Variants in CFTR observed in about 807,000 individuals in gnomAD.
CFTR encodes CF transmembrane conductance regulator, also known as cystic fibrosis transmembrane conductance regulator.
In CFTR, 181 loss-of-function variants were observed where a neutral mutation model predicts 171.6. That is an observed-to-expected ratio of 1.05 (90% CI 0.93 to 1.19). The LOEUF is 1.19. Among genes scored for constraint, CFTR ranks in the 50% most tolerant of loss-of-function variants. The pLI is 0.00. For synonymous variants in CFTR, 583 were observed against 608.0 expected (o/e 0.96, Z 0.60); for missense variants, 1,968 against 1,734.7 (o/e 1.13, Z -2.39).
chr7:117,503,771 A>G (rs771719979), intron 1 of CFTR, among the ~76,000 whole-genome samples: 12 of 152,224 alleles, frequency 7.9e-5, no homozygotes, highest in Non-Finnish European at 1.3e-4. Context: ...CATTCTTTCA[A>G]TGAATAGCTC....
intron 1 of CFTR, among the ~76,000 whole-genome samples, chr7:117,484,453 G>A (rs915180722): frequency 1.3e-5 from 2 of 152,150 alleles, no homozygotes; most frequent in African/African-American, 4.8e-5. Context: ...CCACCTCTGG[G>A]ATAGGAGCCC....
chr7:117,607,697 G>A (rs556969056), intron 18 of CFTR, among the ~76,000 whole-genome samples: 1 of 152,208 alleles, frequency 6.6e-6, no homozygotes, highest in African/African-American at 2.4e-5. Flanking sequence ...AACAAAAGAA[G>A]GATTATCACA....
intron 21 of CFTR, among the ~76,000 whole-genome samples, chr7:117,620,910 C>A (rs556256586): frequency 1.3e-5 from 2 of 152,182 alleles, no homozygotes; most frequent in South Asian, 4.2e-4. Context: ...AGTTGAAGAC[C>A]AAGCTGGTCA....
At chr7:117,590,241 G>A (rs1045292931) in intron 12 of CFTR, 112 bp from the exon 13 acceptor site, 7 of 1,251,190 alleles carry the variant, frequency 5.6e-6, no homozygotes, top group Non-Finnish European at 7.8e-6. Flanking sequence ...TCAGTGAATC[G>A]ATGTGGTGAC....
chr7:117,511,087 C>A (rs1208303194), intron 3 of CFTR, among the ~76,000 whole-genome samples: 1 of 152,108 alleles, frequency 6.6e-6, no homozygotes, highest in African/African-American at 2.4e-5. Context: ...AGGTACTCAA[C>A]AGAATGGTGA....
intron 15 of CFTR, among the ~76,000 whole-genome samples, chr7:117,600,813 A>G (rs947195662): frequency 1.4e-4 from 22 of 152,088 alleles, no homozygotes; most frequent in African/African-American, 5.1e-4. Context: ...TAAACTGCAT[A>G]AACTTTATAA....
chr7:117,570,001 A>T (rs1217991049), intron 11 of CFTR, among the ~76,000 whole-genome samples: 1 of 152,058 alleles, frequency 6.6e-6, no homozygotes, highest in Non-Finnish European at 1.5e-5. Context: ...ACAATAAAAA[A>T]TTAGGGTGAT....
chr7:117,533,710 T>C (rs1562890051), intron 4 of CFTR, among the ~76,000 whole-genome samples: 3 of 152,286 alleles, frequency 2.0e-5, no homozygotes, highest in South Asian at 4.1e-4. Flanking sequence ...AATTGGTAGA[T>C]AAATAAGTAG....
At chr7:117,600,278 C>CA (rs530135674) in intron 15 of CFTR, among the ~76,000 whole-genome samples, 3 of 151,256 alleles carry the variant, frequency 2.0e-5, no homozygotes, top group Admixed American at 1.3e-4. Flanking sequence ...AATAAATAGG[C>CA]AAAAAAAATC....
intron 1 of CFTR, among the ~76,000 whole-genome samples, chr7:117,494,724 C>T (rs1324931177): frequency 6.6e-6 from 1 of 151,824 alleles, no homozygotes; most frequent in Non-Finnish European, 1.5e-5. Context: ...AGAGGAAATA[C>T]CAAATAAATG....
chr7:117,646,230 G>T (rs1047900056), intron 23 of CFTR, among the ~76,000 whole-genome samples: 2 of 152,148 alleles, frequency 1.3e-5, no homozygotes, highest in African/African-American at 4.8e-5. Context: ...AGTACAATAT[G>T]CTGTGCTGTG....
At chr7:117,500,278 C>CTTT (rs745627454) in intron 1 of CFTR, among the ~76,000 whole-genome samples, 317 of 76,406 alleles carry the variant, frequency 4.1e-3, no homozygotes, top group East Asian at 0.013. Flanking sequence ...TTCTTCCTTT[C>CTTT]TTTTTTTTTT....
At chr7:117,596,722 C>T (rs971294342) in intron 15 of CFTR, among the ~76,000 whole-genome samples, 2 of 152,198 alleles carry the variant, frequency 1.3e-5, no homozygotes, top group African/African-American at 4.8e-5. Context: ...CCAATCAGCA[C>T]TCTGTATCTA....
intron 3 of CFTR, among the ~76,000 whole-genome samples, chr7:117,529,755 C>G (rs1202520057): frequency 1.3e-5 from 2 of 151,954 alleles, no homozygotes; most frequent in Non-Finnish European, 2.9e-5. Flanking sequence ...TTAGAAAATA[C>G]ATTGTAGAAA....
chr7:117,518,512 G>A (rs975613282), intron 3 of CFTR, among the ~76,000 whole-genome samples: 17 of 146,502 alleles, frequency 1.2e-4, no homozygotes, highest in African/African-American at 3.7e-4. Flanking sequence ...TAATAGGTTA[G>A]AAAATAGCAA....
intron 8 of CFTR, among the ~76,000 whole-genome samples, chr7:117,541,650 ATT>A (rs4148704): frequency 1.3e-5 from 2 of 151,984 alleles, no homozygotes; most frequent in African/African-American, 4.8e-5. Flanking sequence ...GAAGACATTC[ATT>A]TTTTTTCTCC....
At chr7:117,612,052 T>C (rs1471580389) in intron 20 of CFTR, among the ~76,000 whole-genome samples, 15 of 70,876 alleles carry the variant, frequency 2.1e-4, no homozygotes, top group South Asian at 1.9e-3. Context: ...TATATATATA[T>C]ACATATATAT....
chr7:117,482,370 A>G (rs1798011168), intron 1 of CFTR, among the ~76,000 whole-genome samples: 1 of 152,182 alleles, frequency 6.6e-6, no homozygotes, highest in Non-Finnish European at 1.5e-5. Context: ...TTGGAAAACC[A>G]AAAAGTTTGG....
intron 2 of CFTR, 22 bp from the exon 3 acceptor site, chr7:117,509,011 TC>T (rs1798467222): frequency 7.1e-7 from 1 of 1,405,226 alleles, no homozygotes; most frequent in Non-Finnish European, 1.0e-6. Context: ...AACTTATTGG[TC>T]CCACTTTTTA....
Sources: gnomAD v4.1 joint callset for allele counts (sites outside exome capture counted in the v4.1 genomes callset) on GRCh38, gnomAD v4.1.1 for gene constraint, MANE v1.5 for transcripts, NCBI Gene and HGNC (gene_info 2026-07-23, HGNC 2026-07-21) for gene names.